TDRD7: variants seen among roughly 807,000 people sequenced by gnomAD.
The protein encoded by TDRD7 is tudor domain-containing protein 7.
TDRD7 carries 47 observed loss-of-function variants against 109.8 expected under a neutral mutation model. The ratio of observed to expected loss-of-function variants is 0.43; its 90% CI spans 0.34 to 0.55. TDRD7 has a LOEUF of 0.55. TDRD7 is among the 20% of genes least tolerant of loss of function. The pLI is 0.03. For missense variants in TDRD7, 1,164 were observed against 1,319.2 expected, an observed-to-expected ratio of 0.88 and a Z score of 1.82; for synonymous variants, 424 against 457.3, an observed-to-expected ratio of 0.93 and a Z score of 0.93.
intron 1 of TDRD7, 42 bp from the exon 2 acceptor site, chr9:97,428,418 G>A (rs190217431): frequency 5.8e-4 from 912 of 1,578,920 alleles, no homozygotes; most frequent in Non-Finnish European, 7.6e-4. Flanking sequence ...ATTCACAAAC[G>A]AATGAGCCAT....
At position 97,472,467 on chromosome 9, in the gene TDRD7, G is replaced by T; in HGVS notation, c.1916G>T (p.Cys639Phe). 6.2e-7 allele frequency: 1 copy of T among 1,613,774 alleles called. No individual in the cohort carries two copies. The highest frequency in any genetic ancestry group is 8.5e-7 in the Non-Finnish European group (1 of 1,179,828). Residue 639 changes from cysteine to phenylalanine, a missense_variant, in exon 10 of 17, where the codon TGT (cysteine) becomes TTT (phenylalanine). Physicochemically the swap from Cys to Phe is radical, Grantham distance 205. This residue lies in a region of TDRD7 where 261 missense variants were observed against 336.2 expected (regional missense o/e 0.78). Coordinates refer to ENST00000355295, the MANE Select transcript of TDRD7 (RefSeq NM_014290.3). Reference protein sequence around the residue: ...NINATCLKAICDKSLEVHLQV... With the variant: ...NINATCLKAIFDKSLEVHLQV... ...AATGCCACCTGCTTGAAGGCTATAT[G>T]TGACAAGTCACTAGAGGTTCACCTG...
chr9:97,467,874 A>G (rs1419153983), intron 8 of TDRD7, among the ~76,000 whole-genome samples: 1 of 152,186 alleles, frequency 6.6e-6, no homozygotes, highest in African/African-American at 2.4e-5. Context: ...GAAGAGATTC[A>G]GGATATATTT....
chr9:97,415,734 A>C (rs1316350835), intron 1 of TDRD7, among the ~76,000 whole-genome samples: 1 of 152,228 alleles, frequency 6.6e-6, no homozygotes. Flanking sequence ...CGGAGGTTGC[A>C]GTGAGCCAAG....
chr9:97,430,786 C>T, intron 2 of TDRD7, 147 bp from the exon 3 acceptor site: 2 of 905,720 alleles, frequency 2.2e-6, no homozygotes, highest in South Asian at 1.4e-5. Context: ...TTTCTTCTAG[C>T]ATTATCAAGG....
At chr9:97,436,057 C>T (rs1317725378) in intron 4 of TDRD7, among the ~76,000 whole-genome samples, 26 of 152,124 alleles carry the variant, frequency 1.7e-4, no homozygotes, top group Admixed American at 1.7e-3. Context: ...CGGTTAAGAA[C>T]TCATGCCTGC....
chr9:97,494,710 ATATT>A (rs1410678820), intron 16 of TDRD7, among the ~76,000 whole-genome samples: 2,828 of 99,598 alleles, frequency 0.028, 68 homozygotes, highest in African/African-American at 0.091. Context: ...ATATATATAT[ATATT>A]TTTTTTTTTT....
At position 97,492,808 on chromosome 9, in the gene TDRD7, C is replaced by T. The variant is rs559433825; in HGVS notation, c.3077-2855C>T. Among the ~76,000 whole-genome samples, 11 of 152,302 alleles carry T rather than the reference C, an allele frequency of 7.2e-5. No individual in the cohort carries two copies. In the South Asian group the frequency reaches 2.3e-3, roughly 32 times the overall value. ...ACATTATCCATTTTGAAGGGAGGAC[C>T]TCCATTTTATAATTAATTGAAAACA... is the stretch of plus-strand genomic sequence containing the variant. On this transcript the variant is annotated intron_variant, in intron 16 of 16. Coordinates refer to ENST00000355295, the MANE Select transcript of TDRD7 (RefSeq NM_014290.3).
At chr9:97,433,750 A>G (rs1430606290) in intron 4 of TDRD7, among the ~76,000 whole-genome samples, 3 of 152,206 alleles carry the variant, frequency 2.0e-5, no homozygotes, top group African/African-American at 4.8e-5. Context: ...CAACAAGTAT[A>G]TGGAAAAATG....
intron 2 of TDRD7, among the ~76,000 whole-genome samples, chr9:97,430,506 C>A (rs1275044368): frequency 6.6e-6 from 1 of 152,186 alleles, no homozygotes; most frequent in East Asian, 1.9e-4. Flanking sequence ...ATACTTTGGA[C>A]TCAAAGAGCC....
At chr9:97,485,631 A>G (rs1052375794) in intron 15 of TDRD7, among the ~76,000 whole-genome samples, 3 of 152,224 alleles carry the variant, frequency 2.0e-5, no homozygotes, top group African/African-American at 7.2e-5. Context: ...TTTGATCTGA[A>G]GTTCTTATTT....
chr9:97,460,825 C>G lies in TDRD7; in HGVS notation c.1442+61C>G. ...ATACTTTTGTCACTTGTCTATTCTT[C>G]ACATGGATGTTGAGGGTTAAAGGAA... On this transcript the variant is annotated intron_variant, in intron 7 of 16. Transcript: ENST00000355295. 2.1e-6 allele frequency: 3 copies of G among 1,455,938 alleles called. No individual in the cohort carries two copies. In the South Asian group the frequency reaches 3.5e-5, roughly 17 times the overall value. 90.2% of individuals were successfully genotyped at this position (1,455,938 alleles called of 1,614,324 possible). A position where few individuals can be genotyped will look rare whatever the true frequency, so the allele number is the denominator to read the frequency against.
rs762887445 is a variant in TDRD7, at chr9:97,430,960, G to A, written c.235G>A (p.Glu79Lys). 8.1e-6 allele frequency: 13 copies of A among 1,613,748 alleles called. No homozygotes were observed. Among genetic ancestry groups the A allele is most frequent in the Non-Finnish European group, 9.3e-6 (11 of 1,179,848 alleles). ...TACCTGCTATGCCATGGCCTGCACA[G>A]AAACTGCAAGAATTGCTCAGCTTGT... ...EITCYAMACT[E>K]TARIAQLVAR... is the part of the protein sequence containing the mutation. The change falls in exon 3 of 17, where the codon GAA becomes AAA. Residue 79 changes from glutamate (E) to lysine (K), a missense_variant. Coordinates refer to ENST00000355295, the MANE Select transcript of TDRD7 (RefSeq NM_014290.3).
chr9:97,427,882 ACAGAGCTGAT>A (rs1828028400), intron 1 of TDRD7, among the ~76,000 whole-genome samples: 2 of 152,160 alleles, frequency 1.3e-5, no homozygotes, highest in Non-Finnish European at 2.9e-5. Flanking sequence ...TTTCTAAAAT[ACAGAGCTGAT>A]CATTTTTTTC....
intron 6 of TDRD7, among the ~76,000 whole-genome samples, chr9:97,445,756 G>C (rs1166662052): frequency 6.6e-6 from 1 of 152,176 alleles, no homozygotes; most frequent in Non-Finnish European, 1.5e-5. Flanking sequence ...GTCATCATTT[G>C]GTGGAAACAC....
chr9:97,495,894 T>G lies in TDRD7; in HGVS notation c.*11T>G. The G allele has an allele frequency of 1.9e-6, 3 of 1,607,300 alleles. No homozygotes were observed. Among genetic ancestry groups the G allele is most frequent in the Non-Finnish European group, 1.7e-6 (2 of 1,174,034 alleles). On this transcript the variant is annotated 3_prime_UTR_variant, in exon 17 of 17. Transcript: ENST00000355295. ...TCAAAAGTTAATTAATGACTGCCTC[T>G]GAAACCTTGACAACTAATTCAGATT...
chr9:97,470,472 G>T, intron 8 of TDRD7, 86 bp from the exon 9 acceptor site: 2 of 1,265,060 alleles, frequency 1.6e-6, no homozygotes, highest in Admixed American at 1.8e-5. Flanking sequence ...GCTGATCATG[G>T]AATAAGATTG....
intron 16 of TDRD7, among the ~76,000 whole-genome samples, chr9:97,493,342 C>G (rs1829337335): frequency 6.6e-6 from 1 of 152,104 alleles, no homozygotes; most frequent in South Asian, 2.1e-4. Context: ...CCGGGGGAGA[C>G]ATCACATGTC....
intron 6 of TDRD7, among the ~76,000 whole-genome samples, chr9:97,450,994 G>C (rs555805791): frequency 5.9e-5 from 9 of 151,610 alleles, no homozygotes; most frequent in Admixed American, 2.0e-4. Context: ...ACCAACGCAT[G>C]ATTAGAGGGT....
In TDRD7 at chr9:97,467,273, A is replaced by G. The variant is rs150738793; in HGVS notation, c.1629+2245A>G. Among the ~76,000 whole-genome samples the G allele has an allele frequency of 1.5e-3, 221 of 152,352 alleles. 1 individual carries two copies. The highest frequency in any genetic ancestry group is 5.2e-3 in the African/African-American group (216 of 41,578). On this transcript the variant is annotated intron_variant, in intron 8 of 16. Coordinates refer to ENST00000355295, the MANE Select transcript of TDRD7 (RefSeq NM_014290.3). ...AATGACACATTAACAGTGTAACAAT[A>G]TTTACAATAAATAATGCAGCTATTC...
Sources: gnomAD v4.1 joint callset for allele counts (sites outside exome capture counted in the v4.1 genomes callset) on GRCh38, gnomAD v4.1.1 for gene constraint, gnomAD v4.1.1 regional missense constraint, MANE v1.5 for transcripts, NCBI Gene and HGNC (gene_info 2026-07-23, HGNC 2026-07-21) for gene names.